FYB1: variants seen among roughly 807,000 people sequenced by gnomAD.
FYB1 encodes FYN binding protein 1.
Under a neutral mutation model 94.1 loss-of-function variants are expected in FYB1, and 41 were observed. That is an observed-to-expected ratio of 0.44 (90% confidence interval 0.34 to 0.57). FYB1 has a LOEUF of 0.57. FYB1 is among the 20% of genes least tolerant of loss of function. FYB1 has a pLI of 0.02. For missense variants in FYB1, 1,050 were observed against 976.8 expected (o/e 1.07, Z -1.00); for synonymous variants, 367 against 353.2 (o/e 1.04, Z -0.44).
intron 1 of FYB1, among the ~76,000 whole-genome samples, chr5:39,271,565 T>C (rs1010828022): frequency 3.9e-5 from 6 of 152,234 alleles, no homozygotes; most frequent in African/African-American, 9.6e-5. Flanking sequence ...CAAATTTCTA[T>C]ACATGATGCT....
chr5:39,270,445 C>A, intron 1 of FYB1: 2 of 850,398 alleles, frequency 2.4e-6, no homozygotes, highest in South Asian at 2.0e-5. Flanking sequence ...AAAAAGTGGC[C>A]AAGCAAAATC....
chr5:39,119,620 AC>A lies in FYB1; in HGVS notation c.2152del (p.Val718LeufsTer14). The A allele has an allele frequency of 6.5e-7, 1 of 1,541,612 alleles. No individual in the cohort carries two copies. The highest frequency in any genetic ancestry group is 2.4e-5 in the East Asian group (1 of 42,188). On this transcript the variant is annotated frameshift_variant, in exon 15 of 19. Coordinates refer to ENST00000512982, the MANE Select transcript of FYB1 (RefSeq NM_001465.6). LOFTEE classifies it high-confidence loss of function. ...CTTTTCTTCTGTCTTAGCTTTTCCA[AC>A]ATTAGTTCCTTGACTAGAACGGCAG... Reference protein sequence around the residue: ...SSAEMSQGTNVGKAKTEEKDL... With the variant: ...SSAEMSQGTNXGKAKTEEKDL...
chr5:39,126,033 A>G lies in FYB1; in HGVS notation c.2010T>C (p.Pro670=), dbSNP rs749031297. 1 of 1,613,466 alleles carries G rather than the reference A, an allele frequency of 6.2e-7. No individual in the cohort carries two copies. The highest frequency in any genetic ancestry group is 1.7e-5 in the Admixed American group (1 of 59,942). Reference sequence around the variant, plus strand: ...CATTATTGTCTGAGTCAGAGACTTTAGGTTTCTCTCGTATACTTTTCTTTC... The same window carrying G: ...CATTATTGTCTGAGTCAGAGACTTTGGGTTTCTCTCGTATACTTTTCTTTC... The part of the protein sequence containing the change: ...DDRKKSIREK[P]KVSDSDNNEG... Residue 670 remains proline, a synonymous_variant, in exon 12 of 19, where the codon CCT becomes CCC. Coordinates refer to ENST00000512982, the MANE Select transcript of FYB1 (RefSeq NM_001465.6).
At chr5:39,180,947 G>T (rs1746165362) in intron 2 of FYB1, among the ~76,000 whole-genome samples, 1 of 151,714 alleles carries the variant, frequency 6.6e-6, no homozygotes, top group Non-Finnish European at 1.5e-5. Flanking sequence ...TATATTTCTG[G>T]AACAGAAATT....
intron 1 of FYB1, among the ~76,000 whole-genome samples, chr5:39,217,376 A>C (rs1749947445): frequency 6.6e-6 from 1 of 152,150 alleles, no homozygotes; most frequent in Non-Finnish European, 1.5e-5. Flanking sequence ...AGTTGGGCTA[A>C]AATCTGGGTC....
At chr5:39,230,942 C>G (rs1304695192) in intron 1 of FYB1, among the ~76,000 whole-genome samples, 2 of 151,132 alleles carry the variant, frequency 1.3e-5, no homozygotes, top group African/African-American at 4.9e-5. Flanking sequence ...TGTCCCAGGC[C>G]AACCGTAATA....
chr5:39,185,442 G>A (rs1178827029), intron 2 of FYB1, among the ~76,000 whole-genome samples: 1 of 150,668 alleles, frequency 6.6e-6, no homozygotes, highest in African/African-American at 2.4e-5. Flanking sequence ...CAGTCAAGAT[G>A]GTAGGCTGAG....
rs1748417165 is a variant in FYB1 at position 39,202,334 on chromosome 5, G to A, written c.627C>T (p.Ser209=). The A allele has an allele frequency of 1.9e-6, 3 of 1,613,926 alleles. No individual in the cohort carries two copies. Among genetic ancestry groups the A allele is most frequent in the Admixed American group, 1.7e-5 (1 of 60,020 alleles). The change falls in exon 2 of 19, where the codon TCC becomes TCT. Residue 209 remains serine, a synonymous_variant. Coordinates refer to ENST00000512982, the MANE Select transcript of FYB1 (RefSeq NM_001465.6). ...TCTTCATGGGGCTTTCGTCTTCATG[G>A]GAGTTCTCGGTACTTAGGGGCGGCT... The part of the protein sequence containing the change: ...GQKPPLSTEN[S]HEDESPMKNV...
chr5:39,171,311 G>GAT (rs1463743433), intron 2 of FYB1, among the ~76,000 whole-genome samples: 2 of 151,908 alleles, frequency 1.3e-5, no homozygotes, highest in African/African-American at 2.4e-5. Context: ...AAACCCTGAA[G>GAT]ATAGCATTTA....
chr5:39,222,786 C>A (rs183514390), upstream of FYB1, among the ~76,000 whole-genome samples: 131 of 152,118 alleles, frequency 8.6e-4, 1 homozygote, highest in African/African-American at 3.0e-3. Flanking sequence ...ACCCATTTTT[C>A]TATTTTTATA....
chr5:39,220,500 A>C (rs1424020651), upstream of FYB1, among the ~76,000 whole-genome samples: 1 of 151,824 alleles, frequency 6.6e-6, no homozygotes, highest in Admixed American at 6.6e-5. Flanking sequence ...AGAGAAAAAA[A>C]GAAAAGAAAA....
chr5:39,115,605 A>T (rs552612236), intron 16 of FYB1, among the ~76,000 whole-genome samples: 1 of 152,122 alleles, frequency 6.6e-6, no homozygotes, highest in African/African-American at 2.4e-5. Context: ...ACATATCACT[A>T]GAAAGGCTAT....
At chr5:39,186,463 G>A (rs1746811960) in intron 2 of FYB1, among the ~76,000 whole-genome samples, 1 of 151,958 alleles carries the variant, frequency 6.6e-6, no homozygotes, top group African/African-American at 2.4e-5. Context: ...TGAGAGAACA[G>A]CACTCTGAAG....
At chr5:39,218,477 G>A (rs1407155359) in intron 1 of FYB1, among the ~76,000 whole-genome samples, 1 of 152,054 alleles carries the variant, frequency 6.6e-6, no homozygotes, top group Non-Finnish European at 1.5e-5. Flanking sequence ...TCACCCTTCC[G>A]GTGATAAGCC....
At chr5:39,214,928 C>CAA (rs879602041) in intron 1 of FYB1, among the ~76,000 whole-genome samples, 1 of 149,188 alleles carries the variant, frequency 6.7e-6, no homozygotes, top group Non-Finnish European at 1.5e-5. Flanking sequence ...GATTCTGTGT[C>CAA]AAAAAAAAAA....
chr5:39,254,332 T>G (rs1751849438), intron 1 of FYB1, among the ~76,000 whole-genome samples: 1 of 152,212 alleles, frequency 6.6e-6, no homozygotes, highest in Admixed American at 6.5e-5. Flanking sequence ...AGCGTTCTTT[T>G]TTCTCCACAA....
At chr5:39,218,752 G>A (rs1470560457) in intron 1 of FYB1, among the ~76,000 whole-genome samples, 1 of 152,126 alleles carries the variant, frequency 6.6e-6, no homozygotes, top group Non-Finnish European at 1.5e-5. Flanking sequence ...TGCAAATCAA[G>A]TTAAATGGGG....
chr5:39,176,660 T>C (rs1405880102), intron 2 of FYB1, among the ~76,000 whole-genome samples: 4 of 152,214 alleles, frequency 2.6e-5, no homozygotes, highest in Non-Finnish European at 5.9e-5. Context: ...AAAAGATAAA[T>C]GCTGTTTGTC....
chr5:39,166,462 A>G (rs1744750723), intron 2 of FYB1, among the ~76,000 whole-genome samples: 1 of 151,770 alleles, frequency 6.6e-6, no homozygotes. Flanking sequence ...AGAAATAAAG[A>G]TATCATTTTA....
Sources: gnomAD v4.1 joint callset for allele counts (sites outside exome capture counted in the v4.1 genomes callset) on GRCh38, gnomAD v4.1.1 for gene constraint, MANE v1.5 for transcripts, NCBI Gene and HGNC (gene_info 2026-07-23, HGNC 2026-07-21) for gene names.